ADGRL3: variants seen among roughly 807,000 people sequenced by gnomAD.
The protein encoded by ADGRL3 is adhesion G protein-coupled receptor L3.
ADGRL3 carries 62 observed loss-of-function variants against 153.5 expected under a neutral mutation model. That is an observed-to-expected ratio of 0.40 (90% CI 0.33 to 0.50). The LOEUF is 0.50. ADGRL3 is among the 20% of genes least tolerant of loss of function. The pLI is 0.47. For synonymous variants in ADGRL3, 710 were observed against 672.5 expected (o/e 1.06, Z -0.86); for missense variants, 1,641 against 1,859.4 (o/e 0.88, Z 2.16).
chr4:61,240,971 C>G (rs141198742), intron 1 of ADGRL3, among the ~76,000 whole-genome samples: 1 of 151,988 alleles, frequency 6.6e-6, no homozygotes, highest in Non-Finnish European at 1.5e-5. Flanking sequence ...GTGTAATACT[C>G]ATTGAGCACT....
chr4:61,713,394 C>T (rs2096041342), intron 6 of ADGRL3, among the ~76,000 whole-genome samples: 1 of 151,894 alleles, frequency 6.6e-6, no homozygotes, highest in African/African-American at 2.4e-5. Flanking sequence ...TAGTGTTCAC[C>T]AAAGCATACA....
intron 4 of ADGRL3, among the ~76,000 whole-genome samples, chr4:61,568,489 G>A (rs1446627537): frequency 2.0e-5 from 3 of 152,098 alleles, no homozygotes; most frequent in African/African-American, 7.2e-5. Context: ...AATTGAAGCA[G>A]TAGAAGAAGA....
chr4:61,424,156 C>A (rs1046698165), intron 2 of ADGRL3, among the ~76,000 whole-genome samples: 28 of 152,162 alleles, frequency 1.8e-4, no homozygotes, highest in African/African-American at 6.3e-4. Flanking sequence ...GTCAGTGATA[C>A]ATTTATGCAC....
At chr4:61,321,075 C>A (rs1421221723) in intron 1 of ADGRL3, among the ~76,000 whole-genome samples, 1 of 152,048 alleles carries the variant, frequency 6.6e-6, no homozygotes, top group African/African-American at 2.4e-5. Flanking sequence ...ACATTGAACC[C>A]ATGTAGATAA....
chr4:61,677,099 A>G (rs112036526), intron 6 of ADGRL3, 164 bp downstream of exon 6: 8,664 of 562,940 alleles, frequency 0.015, 91 homozygotes, highest in Middle Eastern at 0.02. Flanking sequence ...CCATCAGAAG[A>G]ATTAGATATT....
At chr4:61,415,343 T>A (rs1446952054) in intron 2 of ADGRL3, among the ~76,000 whole-genome samples, 2 of 152,052 alleles carry the variant, frequency 1.3e-5, no homozygotes, top group African/African-American at 2.4e-5. Flanking sequence ...TGAAGTCTGT[T>A]TATTTTAGGA....
intron 6 of ADGRL3, among the ~76,000 whole-genome samples, chr4:61,679,164 G>A (rs760843810): frequency 7.9e-5 from 12 of 151,994 alleles, no homozygotes; most frequent in Non-Finnish European, 1.5e-4. Context: ...CATGGTATAA[G>A]GTGAAGGGGG....
chr4:61,911,352 G>A (rs1390896150), intron 12 of ADGRL3, among the ~76,000 whole-genome samples: 2 of 151,956 alleles, frequency 1.3e-5, no homozygotes, highest in African/African-American at 4.8e-5. Context: ...CTAAATAATG[G>A]GCAAATTTCC....
rs1465169275 is a variant in ADGRL3, at chr4:61,203,010, G to A, written c.-240+1245G>A. 2.0e-5 allele frequency among the ~76,000 whole-genome samples: 3 copies of A among 152,224 alleles called. 1 individual carries two copies. The highest frequency in any genetic ancestry group is 7.2e-5 in the African/African-American group (3 of 41,470). On this transcript the variant is annotated intron_variant, in intron 1 of 26. Coordinates refer to ENST00000683033, the MANE Select transcript of ADGRL3 (RefSeq NM_001387552.1). ...CGCAGGGTGGCGAGGAAACCTTGCC[G>A]TGTCCCCTTCCCCTGGAGAGGCGCA... is the stretch of plus-strand genomic sequence containing the variant.
At chr4:61,745,805 C>T (rs1239991245) in intron 8 of ADGRL3, among the ~76,000 whole-genome samples, 6 of 152,000 alleles carry the variant, frequency 3.9e-5, no homozygotes, top group Non-Finnish European at 8.8e-5. Context: ...CATCAACTCA[C>T]GAGCAAAATA....
intron 15 of ADGRL3, among the ~76,000 whole-genome samples, chr4:61,939,206 T>G (rs2098859111): frequency 6.6e-6 from 1 of 152,170 alleles, no homozygotes; most frequent in African/African-American, 2.4e-5. Flanking sequence ...AGGTAAAGAT[T>G]GTGAATTCTT....
chr4:61,894,749 C>T (rs2098616031), intron 10 of ADGRL3, among the ~76,000 whole-genome samples: 1 of 152,142 alleles, frequency 6.6e-6, no homozygotes, highest in Non-Finnish European at 1.5e-5. Flanking sequence ...CCCCCACAGT[C>T]TCTCACTTGA....
chr4:61,506,912 T>C (rs1194683049), intron 3 of ADGRL3, among the ~76,000 whole-genome samples: 1 of 152,070 alleles, frequency 6.6e-6, no homozygotes, highest in Non-Finnish European at 1.5e-5. Context: ...ACCTAATGAT[T>C]AGATATGTAG....
rs889303830 is a variant in ADGRL3, at chr4:61,875,758, A to G, written c.1481-16898A>G. On this transcript the variant is annotated intron_variant, in intron 9 of 26. Transcript: ENST00000683033. ...ATAACTAGAGTTCTTTTCAGATACT[A>G]TTTTATCTATTTGATTTGTACTGTA... Among the ~76,000 whole-genome samples the G allele has an allele frequency of 5.9e-5, 9 of 152,278 alleles. No homozygotes were observed. In the South Asian group the frequency reaches 1.4e-3, roughly 25 times the overall value.
At chr4:61,767,530 G>T (rs1368905166) in intron 8 of ADGRL3, among the ~76,000 whole-genome samples, 1 of 152,128 alleles carries the variant, frequency 6.6e-6, no homozygotes, top group African/African-American at 2.4e-5. Context: ...ATGGTCTAGG[G>T]GGCTTCCGAG....
chr4:61,493,548 G>T (rs1230200351), intron 2 of ADGRL3, among the ~76,000 whole-genome samples: 1 of 152,130 alleles, frequency 6.6e-6, no homozygotes, highest in Non-Finnish European at 1.5e-5. Context: ...GTTAACAATA[G>T]CAATACTCCT....
intron 11 of ADGRL3, among the ~76,000 whole-genome samples, chr4:61,906,571 A>C (rs1410089986): frequency 6.6e-6 from 1 of 152,144 alleles, no homozygotes; most frequent in Non-Finnish European, 1.5e-5. Flanking sequence ...TGATACTTTG[A>C]GTTACACAGT....
At chr4:61,629,689 C>A (rs982367831) in intron 5 of ADGRL3, among the ~76,000 whole-genome samples, 1 of 123,208 alleles carries the variant, frequency 8.1e-6, no homozygotes, top group Admixed American at 1.1e-4. Flanking sequence ...TGCACTCCAG[C>A]CTAGGCGACA....
chr4:61,845,012 A>T (rs1165125038), intron 9 of ADGRL3, among the ~76,000 whole-genome samples: 1 of 152,216 alleles, frequency 6.6e-6, no homozygotes, highest in African/African-American at 2.4e-5. Flanking sequence ...AAAGTGGGAA[A>T]GATGGAAGGA....
Sources: gnomAD v4.1 joint callset for allele counts (sites outside exome capture counted in the v4.1 genomes callset) on GRCh38, gnomAD v4.1.1 for gene constraint, MANE v1.5 for transcripts, NCBI Gene and HGNC (gene_info 2026-07-23, HGNC 2026-07-21) for gene names.